Variants in ADAMTS12 observed in about 807,000 individuals in gnomAD.
ADAMTS12 encodes the protein ADAM metallopeptidase with thrombospondin type 1 motif 12.
In ADAMTS12, 118 loss-of-function variants were observed where a neutral mutation model predicts 167.8. That is an observed-to-expected ratio of 0.70 (90% CI 0.61 to 0.82). The LOEUF is 0.82. Among genes scored for constraint, ADAMTS12 ranks in the 40% least tolerant of loss-of-function variants. The pLI, the probability that ADAMTS12 is intolerant of heterozygous loss-of-function variation, is 0.00. For synonymous variants in ADAMTS12, 704 were observed against 716.9 expected (o/e 0.98, Z 0.29); for missense variants, 1,916 against 1,998.8 (o/e 0.96, Z 0.79).
chr5:33,674,553 C>G (rs141359538), intron 5 of ADAMTS12, among the ~76,000 whole-genome samples: 1 of 152,108 alleles, frequency 6.6e-6, no homozygotes, highest in Non-Finnish European at 1.5e-5. Flanking sequence ...AAGTTGGACA[C>G]GTTTGCTTAC....
At chr5:33,599,415 T>C (rs912553471) in intron 16 of ADAMTS12, among the ~76,000 whole-genome samples, 1 of 152,226 alleles carries the variant, frequency 6.6e-6, no homozygotes, top group African/African-American at 2.4e-5. Context: ...TCTTCTGTTT[T>C]CCCTCCAGAT....
chr5:33,586,366 T>A (rs1050339183), intron 18 of ADAMTS12, among the ~76,000 whole-genome samples: 2 of 152,202 alleles, frequency 1.3e-5, no homozygotes, highest in Non-Finnish European at 2.9e-5. Flanking sequence ...TAAAAGCACT[T>A]CCAATGACAT....
At chr5:33,537,770 T>C (rs1312853470) in intron 22 of ADAMTS12, among the ~76,000 whole-genome samples, 1 of 152,178 alleles carries the variant, frequency 6.6e-6, no homozygotes, top group South Asian at 2.1e-4. Flanking sequence ...TTAGAGTGGA[T>C]CAATGGCTGT....
intron 12 of ADAMTS12, among the ~76,000 whole-genome samples, chr5:33,635,406 G>T (rs1007928290): frequency 6.6e-6 from 1 of 152,152 alleles, no homozygotes. Context: ...CGTGCTTAAT[G>T]ATGAGGCTGC....
chr5:33,528,127 C>G (rs1251764301), intron 23 of ADAMTS12, among the ~76,000 whole-genome samples: 3 of 149,430 alleles, frequency 2.0e-5, no homozygotes, highest in African/African-American at 4.9e-5. Context: ...TTTGCAGCAA[C>G]TTGGGTGAAG....
At chr5:33,878,100 C>T (rs13160471) in intron 2 of ADAMTS12, among the ~76,000 whole-genome samples, 35,137 of 152,094 alleles carry the variant, frequency 0.23, 4,605 homozygotes, top group Admixed American at 0.33. Context: ...AGAACAACTA[C>T]ACTGGATGTC....
intron 2 of ADAMTS12, among the ~76,000 whole-genome samples, chr5:33,867,767 T>C (rs1580005324): frequency 6.6e-6 from 1 of 152,302 alleles, no homozygotes; most frequent in East Asian, 1.9e-4. Flanking sequence ...TCTTACAGAA[T>C]TTTTTTATCT....
chr5:33,731,997 G>C (rs1744211325), intron 3 of ADAMTS12, among the ~76,000 whole-genome samples: 1 of 152,108 alleles, frequency 6.6e-6, no homozygotes, highest in Admixed American at 6.5e-5. Flanking sequence ...GTGGTAGCTA[G>C]ACCTGGAGCT....
intron 3 of ADAMTS12, 77 bp downstream of exon 3, chr5:33,751,327 A>C: frequency 6.3e-7 from 1 of 1,587,514 alleles, no homozygotes; most frequent in Non-Finnish European, 8.6e-7. Flanking sequence ...TTGAGTAAGA[A>C]TAGGTCATGT....
chr5:33,708,768 G>A (rs1427738363), intron 3 of ADAMTS12, among the ~76,000 whole-genome samples: 1 of 151,866 alleles, frequency 6.6e-6, no homozygotes, highest in African/African-American at 2.4e-5. Context: ...GGCACAGGGA[G>A]GAGAACATCA....
chr5:33,737,331 G>C (rs1408602739), intron 3 of ADAMTS12, among the ~76,000 whole-genome samples: 1 of 152,170 alleles, frequency 6.6e-6, no homozygotes, highest in African/African-American at 2.4e-5. Context: ...TATCTGAAAT[G>C]CTTGTGAGGC....
At position 33,587,110 on chromosome 5, in the gene ADAMTS12, A is replaced by C. The variant is rs777331318; in HGVS notation, c.2865+1489T>G. On this transcript the variant is annotated intron_variant, in intron 18 of 23. Coordinates refer to ENST00000504830, the MANE Select transcript of ADAMTS12 (RefSeq NM_030955.4). ...CTGTACAGATTCAGAAGGTAAATAAACCTAAACTGTGACATAAGCTAATAA... is the reference window on the plus strand; with the variant it reads ...CTGTACAGATTCAGAAGGTAAATAACCCTAAACTGTGACATAAGCTAATAA... 3.9e-5 allele frequency among the ~76,000 whole-genome samples: 6 copies of C among 152,022 alleles called. No individual in the cohort carries two copies. The South Asian group carries it at 1.2e-3, about 32-fold the overall frequency.
chr5:33,801,317 T>A (rs532937608), intron 2 of ADAMTS12, among the ~76,000 whole-genome samples: 2 of 152,180 alleles, frequency 1.3e-5, no homozygotes, highest in South Asian at 2.1e-4. Context: ...ATGGTGGGAG[T>A]ATTTACACCC....
chr5:33,821,099 T>A (rs962261295), intron 2 of ADAMTS12, among the ~76,000 whole-genome samples: 5 of 152,172 alleles, frequency 3.3e-5, no homozygotes, highest in African/African-American at 1.2e-4. Context: ...GTAACAAACC[T>A]GCACTTGTAC....
At chr5:33,772,857 T>A (rs1342553363) in intron 2 of ADAMTS12, among the ~76,000 whole-genome samples, 1 of 152,194 alleles carries the variant, frequency 6.6e-6, no homozygotes, top group Non-Finnish European at 1.5e-5. Context: ...GACACAGGAA[T>A]GAATAATGCT....
At chr5:33,769,250 C>T (rs1447574891) in intron 2 of ADAMTS12, among the ~76,000 whole-genome samples, 2 of 152,156 alleles carry the variant, frequency 1.3e-5, no homozygotes, top group Non-Finnish European at 2.9e-5. Context: ...TTTTGACTCA[C>T]TGAGACCCAT....
intron 23 of ADAMTS12, among the ~76,000 whole-genome samples, chr5:33,532,854 C>T (rs1442695123): frequency 2.0e-5 from 3 of 152,084 alleles, no homozygotes; most frequent in Non-Finnish European, 4.4e-5. Context: ...AGCTGATTGA[C>T]AAGAGTCTGG....
At position 33,542,351 on chromosome 5, in the gene ADAMTS12, C is replaced by G. The variant is rs921261797; in HGVS notation, c.4446+3708G>C. Reference sequence around the variant, plus strand: ...GATTCATAAAGCAAGTCCTTAGAGACCTACAAAGAGACTTAGACTTAGAGA... The same window carrying G: ...GATTCATAAAGCAAGTCCTTAGAGAGCTACAAAGAGACTTAGACTTAGAGA... On this transcript the variant is annotated intron_variant, in intron 22 of 23. Coordinates refer to ENST00000504830, the MANE Select transcript of ADAMTS12 (RefSeq NM_030955.4). Among the ~76,000 whole-genome samples the G allele has an allele frequency of 5.3e-5, 8 of 152,204 alleles. No individual in the cohort carries two copies. The East Asian group carries it at 9.7e-4, about 18-fold the overall frequency.
chr5:33,656,903 C>A (rs1262394351), intron 7 of ADAMTS12, among the ~76,000 whole-genome samples: 1 of 152,196 alleles, frequency 6.6e-6, no homozygotes, highest in Non-Finnish European at 1.5e-5. Context: ...TTAATGAAAG[C>A]AAGTCACTTA....
Sources: allele counts gnomAD v4.1 joint callset (sites outside exome capture counted in the v4.1 genomes callset), GRCh38; gene constraint gnomAD v4.1.1; transcripts MANE v1.5; gene names NCBI Gene and HGNC (gene_info 2026-07-23, HGNC 2026-07-21).